PRKN: variants seen among roughly 807,000 people sequenced by gnomAD.
PRKN encodes parkin RBR E3 ubiquitin protein ligase.
Under a neutral mutation model 59.5 loss-of-function variants are expected in PRKN, and 56 were observed. The observed-to-expected ratio is 0.94, with a 90% CI of 0.76 to 1.18. PRKN has a LOEUF of 1.18. Ranked by LOEUF, PRKN falls within the 50% of genes most tolerant of loss-of-function variation. The pLI, the probability that PRKN is intolerant of heterozygous loss-of-function variation, is 0.00. For missense variants in PRKN, 657 were observed against 596.4 expected, an observed-to-expected ratio of 1.10 and a Z score of -1.06; for synonymous variants, 250 against 222.1, an observed-to-expected ratio of 1.13 and a Z score of -1.12.
chr6:161,751,696 G>C (rs930477082), intron 7 of PRKN, among the ~76,000 whole-genome samples: 1 of 152,200 alleles, frequency 6.6e-6, no homozygotes, highest in African/African-American at 2.4e-5. Flanking sequence ...CTGTGAGCCA[G>C]ATTACACGAT....
chr6:162,530,138 A>T lies in PRKN; in HGVS notation c.8-86665T>A, dbSNP rs1020304564. On this transcript the variant is annotated intron_variant, in intron 1 of 11. Transcript: ENST00000366898. ...AGAGCGAAACTAACTCAGTCTCAAT[A>T]AAAAAAAAAAAAAAAAGTAAAAAAG... Among the ~76,000 whole-genome samples the T allele has an allele frequency of 8.6e-4, 38 of 44,240 alleles. 2 individuals are homozygous for T. The highest frequency in any genetic ancestry group is 1.3e-3 in the Non-Finnish European group (14 of 11,166). 29.0% of individuals were successfully genotyped at this position (44,240 alleles called of 152,430 possible). A position where few individuals can be genotyped will look rare whatever the true frequency, so the allele number is the denominator to read the frequency against.
chr6:161,879,378 C>A (rs1289921269), intron 6 of PRKN, among the ~76,000 whole-genome samples: 2 of 125,978 alleles, frequency 1.6e-5, no homozygotes, highest in African/African-American at 3.1e-5. Flanking sequence ...GAGTCTTGCT[C>A]TGTTGCCCAG....
chr6:162,153,088 G>A (rs1444892182), intron 4 of PRKN, among the ~76,000 whole-genome samples: 1 of 152,208 alleles, frequency 6.6e-6, no homozygotes, highest in East Asian at 1.9e-4. Flanking sequence ...AAGTGTTCAA[G>A]GCTAGAAAAT....
intron 5 of PRKN, among the ~76,000 whole-genome samples, chr6:162,017,431 T>G (rs1390356373): frequency 6.6e-6 from 1 of 152,144 alleles, no homozygotes; most frequent in Non-Finnish European, 1.5e-5. Context: ...CTGACAATAT[T>G]AAGTGCCCCA....
intron 6 of PRKN, among the ~76,000 whole-genome samples, chr6:161,918,379 T>G (rs1778654248): frequency 6.6e-6 from 1 of 152,194 alleles, no homozygotes. Flanking sequence ...TAACACTAAA[T>G]AGTTACTCAT....
intron 4 of PRKN, among the ~76,000 whole-genome samples, chr6:162,139,124 T>C (rs1781671440): frequency 6.6e-6 from 1 of 152,186 alleles, no homozygotes; most frequent in African/African-American, 2.4e-5. Context: ...AAACTCAATT[T>C]GACACAATAC....
intron 4 of PRKN, among the ~76,000 whole-genome samples, chr6:162,057,888 T>C (rs1172080441): frequency 6.6e-6 from 1 of 152,212 alleles, no homozygotes; most frequent in Non-Finnish European, 1.5e-5. Context: ...TAAATTAGCA[T>C]GTCTATTTTA....
At chr6:162,402,941 C>T (rs73033902) in intron 2 of PRKN, among the ~76,000 whole-genome samples, 11,883 of 152,096 alleles carry the variant, frequency 0.078, 485 homozygotes, top group South Asian at 0.13. Context: ...CTCTGCCTGG[C>T]CCTGTCATGC....
At chr6:161,384,903 GC>G (rs1243925056) in intron 10 of PRKN, among the ~76,000 whole-genome samples, 3 of 152,180 alleles carry the variant, frequency 2.0e-5, no homozygotes, top group Non-Finnish European at 4.4e-5. Context: ...TCCCCTATGA[GC>G]CTCTAAAGGG....
chr6:162,422,870 C>T (rs935708317), intron 2 of PRKN, among the ~76,000 whole-genome samples: 4 of 143,124 alleles, frequency 2.8e-5, no homozygotes, highest in Non-Finnish European at 4.5e-5. Context: ...TTCTTGAACC[C>T]GGGAGGCAGA....
chr6:162,161,445 G>C (rs1027608935), intron 4 of PRKN, among the ~76,000 whole-genome samples: 3 of 152,178 alleles, frequency 2.0e-5, no homozygotes, highest in African/African-American at 7.2e-5. Flanking sequence ...GTAAATTGCG[G>C]ACTGAAAATA....
Position 162,054,181 on chromosome 6 carries a change from G to GA in PRKN, c.535-8dup, listed in dbSNP as rs977940711. On this transcript the variant is annotated splice_region_variant and splice_polypyrimidine_tract_variant and intron_variant, in intron 4 of 11. Coordinates refer to ENST00000366898, the MANE Select transcript of PRKN (RefSeq NM_004562.3). ...CATCCCAGCAAGATGGACCCTTTGG[G>GA]AAAAAACAACAATATATGCTTATAT... The GA allele has an allele frequency of 6.3e-7, 1 of 1,581,886 alleles. No homozygotes were observed. Among genetic ancestry groups the GA allele is most frequent in the Non-Finnish European group, 8.7e-7 (1 of 1,150,920 alleles).
intron 6 of PRKN, among the ~76,000 whole-genome samples, chr6:161,918,249 C>T (rs1267825932): frequency 6.6e-6 from 1 of 152,152 alleles, no homozygotes; most frequent in Non-Finnish European, 1.5e-5. Context: ...CGCAGAACAT[C>T]GTCATTGCTT....
In PRKN at chr6:161,972,515, C is replaced by CT. The variant is rs113444853; in HGVS notation, c.734+786dup. ...CGCAATTCGTATTGAGTCGTTTTCC[C>CT]TTTTTTTACTAACAGGCCATCTCCA... On this transcript the variant is annotated intron_variant, in intron 6 of 11. Coordinates refer to ENST00000366898, the MANE Select transcript of PRKN (RefSeq NM_004562.3). Among the ~76,000 whole-genome samples, 733 of 152,214 alleles carry CT rather than the reference C, an allele frequency of 4.8e-3. 4 individuals carry two copies. Among genetic ancestry groups the CT allele is most frequent in the African/African-American group, 0.015 (620 of 41,516 alleles).
chr6:162,119,667 G>GTT (rs1780823890), intron 4 of PRKN, among the ~76,000 whole-genome samples: 1 of 152,090 alleles, frequency 6.6e-6, no homozygotes, highest in South Asian at 2.1e-4. Context: ...TCCAAGAACA[G>GTT]TTTATCTTGC....
rs142226252 is a variant in PRKN, at chr6:161,631,573, T to C, written c.872-62157A>G. Among the ~76,000 whole-genome samples the C allele has an allele frequency of 3.2e-4, 49 of 152,326 alleles. 1 individual carries two copies. Among genetic ancestry groups the C allele is most frequent in the Admixed American group, 3.2e-3 (49 of 15,306 alleles). On this transcript the variant is annotated intron_variant, in intron 7 of 11. Transcript: ENST00000366898. ...TTGCCTATGGCATAAGGCATCTTATTTATTTAAAAATGTATCCATCATAAT... is the reference window on the plus strand; with the variant it reads ...TTGCCTATGGCATAAGGCATCTTATCTATTTAAAAATGTATCCATCATAAT...
intron 7 of PRKN, among the ~76,000 whole-genome samples, chr6:161,733,777 AAAAAAAAT>A (rs1210441134): frequency 1.2e-5 from 1 of 82,922 alleles, no homozygotes; most frequent in African/African-American, 8.6e-5. Flanking sequence ...GGTGAAAAAA[AAAAAAAAT>A]ATATATATAT....
chr6:162,083,458 T>C (rs1270559367), intron 4 of PRKN, among the ~76,000 whole-genome samples: 1 of 152,076 alleles, frequency 6.6e-6, no homozygotes, highest in Non-Finnish European at 1.5e-5. Flanking sequence ...TGACATGCAA[T>C]AAAGTGAGGT....
At chr6:161,702,639 C>T (rs969866923) in intron 7 of PRKN, among the ~76,000 whole-genome samples, 2 of 151,982 alleles carry the variant, frequency 1.3e-5, no homozygotes, top group Admixed American at 1.3e-4. Context: ...TGGTTGCCAA[C>T]AATGTGAATT....
Sources: gnomAD v4.1 joint callset for allele counts (sites outside exome capture counted in the v4.1 genomes callset) on GRCh38, gnomAD v4.1.1 for gene constraint, MANE v1.5 for transcripts, NCBI Gene and HGNC (gene_info 2026-07-23, HGNC 2026-07-21) for gene names.